The following PRPF38A variants were observed in gnomAD, a reference collection of about 807,000 sequenced individuals.
PRPF38A encodes pre-mRNA processing factor 38A.
In PRPF38A, 11 loss-of-function variants were observed where a neutral mutation model predicts 46.8. The ratio of observed to expected loss-of-function variants is 0.24; its 90% CI spans 0.15 to 0.39. PRPF38A has a LOEUF of 0.39. Ranked by LOEUF, PRPF38A falls within the 10% of genes least tolerant of loss-of-function variation. The pLI, the probability that PRPF38A is intolerant of heterozygous loss-of-function variation, is 1.00. For synonymous variants in PRPF38A, 124 were observed against 136.2 expected, an observed-to-expected ratio of 0.91 and a Z score of 0.62; for missense variants, 261 against 407.5, an observed-to-expected ratio of 0.64 and a Z score of 3.10.
chr1:52,414,819 G>T lies in PRPF38A; in HGVS notation c.807G>T (p.Arg269Ser). ...AGAGTCCAAGACGTCACCGCAGCAG[G>T]TCCCGAGATCGGCGGCACAGATCCC... ...RSKSPRRHRS[R>S]SRDRRHRSRS... is the part of the protein sequence containing the mutation. Residue 269 changes from arginine (R) to serine (S), a missense_variant, in exon 8 of 10, where the codon AGG becomes AGT. By Grantham distance (110) the Arg-to-Ser change is moderately radical. Around this residue, in one of 2 missense-constraint regions of PRPF38A, gnomAD observed 180 missense variants for 221.0 expected, o/e 0.81. Coordinates refer to ENST00000257181, the MANE Select transcript of PRPF38A (RefSeq NM_032864.4). The T allele has an allele frequency of 6.2e-7, 1 of 1,614,124 alleles. No individual in the cohort carries two copies. The highest frequency in any genetic ancestry group is 8.5e-7 in the Non-Finnish European group (1 of 1,180,028).
intron 2 of PRPF38A, 33 bp from the exon 3 acceptor site, chr1:52,408,536 T>C (rs1648064598): frequency 6.2e-7 from 1 of 1,613,848 alleles, no homozygotes; most frequent in African/African-American, 1.3e-5. Flanking sequence ...ACTTCTAGGA[T>C]GGCCTGTTGT....
chr1:52,408,471 G>A, intron 2 of PRPF38A, 98 bp from the exon 3 acceptor site: 1 of 1,528,118 alleles, frequency 6.5e-7, no homozygotes, highest in African/African-American at 1.4e-5. Flanking sequence ...CTGCCAAAGA[G>A]AAGAACATGT....
At position 52,418,811 on chromosome 1, in the gene PRPF38A, C is replaced by T. The variant is rs1648363516; in HGVS notation, c.*2121C>T. The T allele has an allele frequency of 6.6e-6, 1 of 152,156 alleles. No homozygotes were observed. The allele number at this position is 152,156 out of a possible 1,614,324, so 9.4% of individuals were successfully genotyped here. A position where few individuals can be genotyped will look rare whatever the true frequency, so the allele number is the denominator to read the frequency against. On this transcript the variant is annotated 3_prime_UTR_variant, in exon 10 of 10. Coordinates refer to ENST00000257181, the MANE Select transcript of PRPF38A (RefSeq NM_032864.4). Reference sequence around the variant, plus strand: ...TTGACTACAGCATACATTTTAAAAACGTATTTTACATCTTACCTCTGTACA... The same window carrying T: ...TTGACTACAGCATACATTTTAAAAATGTATTTTACATCTTACCTCTGTACA...
chr1:52,410,135 CAT>C (rs1001912473), intron 3 of PRPF38A, among the ~76,000 whole-genome samples: 91 of 122,374 alleles, frequency 7.4e-4, no homozygotes, highest in Non-Finnish European at 1.3e-3. Context: ...TTATATATAA[CAT>C]AATTTATATA....
At chr1:52,409,694 A>G (rs1648094698) in intron 3 of PRPF38A, 1 of 152,262 alleles carries the variant, frequency 6.6e-6, no homozygotes, top group African/African-American at 2.4e-5. Context: ...GACATGTCAC[A>G]TACTGTGCTA....
intron 6 of PRPF38A, 85 bp from the exon 7 acceptor site, chr1:52,414,536 G>T: frequency 7.1e-7 from 1 of 1,403,746 alleles, no homozygotes; most frequent in Non-Finnish European, 1.0e-6. Context: ...ACAGAGAAGC[G>T]TGAAGGATAA....
rs1352409890 is a variant in PRPF38A at position 52,420,239 on chromosome 1, A to C, written c.*3549A>C. ...ACAAATCATGAGTCTTTGGGAAAAA[A>C]CCGCCCAATAATGAAATTCAACTAA... On this transcript the variant is annotated 3_prime_UTR_variant, in exon 10 of 10. Coordinates refer to ENST00000257181, the MANE Select transcript of PRPF38A (RefSeq NM_032864.4). 3.3e-5 allele frequency: 5 copies of C among 152,208 alleles called. No homozygotes were observed. The highest frequency in any genetic ancestry group is 7.3e-5 in the Non-Finnish European group (5 of 68,036). 9.4% of individuals were successfully genotyped at this position (152,208 alleles called of 1,614,324 possible). A position where few individuals can be genotyped will look rare whatever the true frequency, so the allele number is the denominator to read the frequency against.
At chr1:52,408,497 A>C (rs781304053) in intron 2 of PRPF38A, 72 bp from the exon 3 acceptor site, 1 of 1,600,580 alleles carries the variant, frequency 6.2e-7, no homozygotes, top group South Asian at 1.1e-5. Flanking sequence ...CACTACTGTC[A>C]TGAGAACAGC....
At chr1:52,408,736 T>G in intron 3 of PRPF38A, 46 bp downstream of exon 3, 1 of 1,605,574 alleles carries the variant, frequency 6.2e-7, no homozygotes, top group Non-Finnish European at 8.5e-7. Flanking sequence ...TAAGCCAGTT[T>G]TTATTTTACC....
Position 52,418,080 on chromosome 1 carries a change from T to C in PRPF38A, c.*1390T>C, listed in dbSNP as rs1648341156. The C allele has an allele frequency of 6.6e-6, 1 of 152,666 alleles. No homozygotes were observed. The highest frequency in any genetic ancestry group is 6.5e-5 in the Admixed American group (1 of 15,284). 9.5% of individuals were successfully genotyped at this position (152,666 alleles called of 1,614,324 possible). ...GCTGCCCTGCAGGATCCAGTTTTTC[T>C]TGGGAGGTTGTATCTGGTCATAAGG... On this transcript the variant is annotated 3_prime_UTR_variant, in exon 10 of 10. Transcript: ENST00000257181.
chr1:52,416,313 C>G (rs2147960128), intron 9 of PRPF38A, among the ~76,000 whole-genome samples: 1 of 150,666 alleles, frequency 6.6e-6, no homozygotes, highest in Middle Eastern at 3.4e-3. Flanking sequence ...TCTCAGGACT[C>G]CTTTTTTTTT....
intron 3 of PRPF38A, among the ~76,000 whole-genome samples, chr1:52,410,066 TATAC>T (rs1648104188): frequency 6.7e-6 from 1 of 149,424 alleles, no homozygotes; most frequent in African/African-American, 2.4e-5. Flanking sequence ...CACACATATA[TATAC>T]ATTTTATAAT....
chr1:52,416,378 G>A (rs566156609), intron 9 of PRPF38A, among the ~76,000 whole-genome samples: 76 of 150,904 alleles, frequency 5.0e-4, no homozygotes, highest in African/African-American at 1.8e-3. Flanking sequence ...GCCCAATCTC[G>A]GCTCACAGCA....
chr1:52,407,971 G>A (rs997603800), intron 2 of PRPF38A, among the ~76,000 whole-genome samples: 10 of 152,222 alleles, frequency 6.6e-5, no homozygotes, highest in Admixed American at 1.3e-4. Flanking sequence ...CAGGAGAATC[G>A]CTTGAACCCA....
In PRPF38A at chr1:52,414,859, G is replaced by A; in HGVS notation, c.847G>A (p.Gly283Ser). ...RRHRSRSKSP[G>S]HHRSHRHRSH... Reference sequence around the variant, plus strand: ...GCACAGATCCCGTTCCAAGTCCCCAGGTAAAGCTTGTGGGCCTTTTGCCAC... The same window carrying A: ...GCACAGATCCCGTTCCAAGTCCCCAAGTAAAGCTTGTGGGCCTTTTGCCAC... Residue 283 changes from glycine to serine, a missense_variant and splice_region_variant, in exon 8 of 10, where the codon GGT becomes AGT. By Grantham distance (56) the Gly-to-Ser change is moderately conservative. Around this residue, in one of 2 missense-constraint regions of PRPF38A, gnomAD observed 180 missense variants for 221.0 expected, o/e 0.81. Coordinates refer to ENST00000257181, the MANE Select transcript of PRPF38A (RefSeq NM_032864.4). 5 of 1,613,958 alleles carry A rather than the reference G, an allele frequency of 3.1e-6. No homozygotes were observed. Among genetic ancestry groups the A allele is most frequent in the Non-Finnish European group, 4.2e-6 (5 of 1,179,888 alleles).
intron 2 of PRPF38A, among the ~76,000 whole-genome samples, chr1:52,407,311 T>C (rs1463492828): frequency 1.3e-5 from 2 of 152,068 alleles, no homozygotes; most frequent in Admixed American, 1.3e-4. Context: ...CCACCGCCCC[T>C]GGCTGGAACG....
At chr1:52,410,119 T>TATAATTTATATATAAC (rs201643154) in intron 3 of PRPF38A, among the ~76,000 whole-genome samples, 99 of 147,484 alleles carry the variant, frequency 6.7e-4, no homozygotes, top group African/African-American at 1.6e-3. Context: ...CATAATCATA[T>TATAATTTATATATAAC]ATAATTTATA....
chr1:52,415,204 T>G (rs547352865), intron 8 of PRPF38A, 134 bp from the exon 9 acceptor site: 287 of 770,938 alleles, frequency 3.7e-4, no homozygotes, highest in Non-Finnish European at 3.6e-4. Flanking sequence ...AATTCAGAGT[T>G]GCTTCCACTA....
intron 5 of PRPF38A, among the ~76,000 whole-genome samples, chr1:52,413,339 G>T (rs1208405703): frequency 1.3e-5 from 2 of 152,160 alleles, no homozygotes; most frequent in Non-Finnish European, 2.9e-5. Flanking sequence ...GCATAGTCAT[G>T]TTCTTTCAGT....
Sources: gnomAD v4.1 joint callset for allele counts (sites outside exome capture counted in the v4.1 genomes callset) on GRCh38, gnomAD v4.1.1 for gene constraint, gnomAD v4.1.1 regional missense constraint, MANE v1.5 for transcripts, NCBI Gene and HGNC (gene_info 2026-07-23, HGNC 2026-07-21) for gene names.